LMO1: variants seen among roughly 807,000 people sequenced by gnomAD.
LMO1 encodes the protein rhombotin-1.
Under a neutral mutation model 18.0 loss-of-function variants are expected in LMO1, and 10 were observed. That is an observed-to-expected ratio of 0.55 (90% confidence interval 0.34 to 0.94). The LOEUF is 0.94. Among genes scored for constraint, LMO1 ranks in the 40% least tolerant of loss-of-function variants. The pLI is 0.02. For missense variants in LMO1, 183 were observed against 205.7 expected, an observed-to-expected ratio of 0.89 and a Z score of 0.68; for synonymous variants, 77 against 77.9, an observed-to-expected ratio of 0.99 and a Z score of 0.06.
At chr11:8,262,085 G>T (rs1158929492) in intron 1 of LMO1, among the ~76,000 whole-genome samples, 2 of 152,208 alleles carry the variant, frequency 1.3e-5, no homozygotes, top group African/African-American at 4.8e-5. Flanking sequence ...GTGACCCTGA[G>T]CAAGTCACTT....
rs1481125028 is a variant in LMO1, at chr11:8,241,799, AAC to A, written c.26-11297_26-11296del. 4.5e-3 allele frequency among the ~76,000 whole-genome samples: 682 copies of A among 151,992 alleles called. 3 individuals carry two copies. The highest frequency in any genetic ancestry group is 0.015 in the African/African-American group (639 of 41,376). On this transcript the variant is annotated intron_variant, in intron 1 of 3. Coordinates refer to ENST00000335790, the MANE Select transcript of LMO1 (RefSeq NM_002315.3). ...TTCTGTGAGTTTCAAAAAAAAAAAAAACAAAAAAAAGTCTGATTGATTGGGTA... is the reference window on the plus strand; with the variant it reads ...TTCTGTGAGTTTCAAAAAAAAAAAAAAAAAAAAAGTCTGATTGATTGGGTA...
intron 1 of LMO1, among the ~76,000 whole-genome samples, chr11:8,253,413 G>C (rs984451487): frequency 6.6e-6 from 1 of 152,152 alleles, no homozygotes; most frequent in South Asian, 2.1e-4. Context: ...AAAGGTAAAC[G>C]TGATCATACC....
intron 1 of LMO1, among the ~76,000 whole-genome samples, chr11:8,258,850 G>T (rs942770065): frequency 5.9e-5 from 9 of 152,210 alleles, no homozygotes; most frequent in Admixed American, 5.9e-4. Context: ...CAAGTGAGTG[G>T]TCATGCCAGC....
chr11:8,236,827 A>G (rs1253761749), intron 1 of LMO1, among the ~76,000 whole-genome samples: 1 of 152,228 alleles, frequency 6.6e-6, no homozygotes, highest in Non-Finnish European at 1.5e-5. Context: ...GCATGAAAAT[A>G]CATACCCATG....
At chr11:8,237,721 C>T (rs775717428) in intron 1 of LMO1, among the ~76,000 whole-genome samples, 9 of 152,242 alleles carry the variant, frequency 5.9e-5, no homozygotes, top group Non-Finnish European at 8.8e-5. Flanking sequence ...GGCTAGGCTC[C>T]GCCCATGGGG....
chr11:8,244,064 G>C (rs1301600696), intron 1 of LMO1, among the ~76,000 whole-genome samples: 1 of 152,218 alleles, frequency 6.6e-6, no homozygotes, highest in Non-Finnish European at 1.5e-5. Flanking sequence ...ACATAAACAT[G>C]AATGAGTGTG....
intron 1 of LMO1, among the ~76,000 whole-genome samples, chr11:8,251,087 G>T (rs761152651): frequency 1.3e-5 from 2 of 152,154 alleles, no homozygotes; most frequent in Admixed American, 1.3e-4. Flanking sequence ...AAGAGAAAGA[G>T]ACCTCACTGG....
chr11:8,236,252 T>G (rs1180463932), intron 1 of LMO1, among the ~76,000 whole-genome samples: 2 of 151,694 alleles, frequency 1.3e-5, no homozygotes, highest in Non-Finnish European at 2.9e-5. Context: ...AGTGTAGTGA[T>G]GTGGTCACAG....
At chr11:8,243,709 G>A (rs564419876) in intron 1 of LMO1, among the ~76,000 whole-genome samples, 2 of 152,354 alleles carry the variant, frequency 1.3e-5, no homozygotes, top group East Asian at 1.9e-4. Flanking sequence ...CAGGTGAGGT[G>A]GACAAGGAGG....
chr11:8,263,639 A>G lies in LMO1; in HGVS notation c.-277T>C. 1 of 1,339,104 alleles carries G rather than the reference A, an allele frequency of 7.5e-7. No homozygotes were observed. The highest frequency in any genetic ancestry group is 9.5e-7 in the Non-Finnish European group (1 of 1,049,700). The allele number at this position is 1,339,104 out of a possible 1,614,324, so 83.0% of individuals were successfully genotyped here. A position where few individuals can be genotyped will look rare whatever the true frequency, so the allele number is the denominator to read the frequency against. ...GAGGGAGAGGGAGAGAGAAGGGGGA[A>G]AAGAGGATCAGAGCCGTTTCTTTGA... On this transcript the variant is annotated 5_prime_UTR_variant, in exon 1 of 4. Transcript: ENST00000335790.
intron 1 of LMO1, among the ~76,000 whole-genome samples, chr11:8,252,843 T>C (rs1475175740): frequency 6.6e-6 from 1 of 152,248 alleles, no homozygotes; most frequent in African/African-American, 2.4e-5. Context: ...AAGTAAAGAT[T>C]ACTGGTCCAC....
At chr11:8,226,943 G>T in intron 3 of LMO1, 32 bp downstream of exon 3, 1 of 1,593,480 alleles carries the variant, frequency 6.3e-7, no homozygotes, top group Non-Finnish European at 8.6e-7. Flanking sequence ...GGCGTCTGGG[G>T]AGTGTGTTGG....
At chr11:8,243,591 G>A (rs1034475354) in intron 1 of LMO1, among the ~76,000 whole-genome samples, 4 of 152,200 alleles carry the variant, frequency 2.6e-5, no homozygotes, top group African/African-American at 9.6e-5. Context: ...TATGGCCGCA[G>A]GCTGCATTAT....
intron 1 of LMO1, among the ~76,000 whole-genome samples, chr11:8,256,117 G>A (rs1169763778): frequency 2.6e-5 from 4 of 152,314 alleles, no homozygotes; most frequent in South Asian, 4.1e-4. Flanking sequence ...GAGCCACCGC[G>A]CCCGGCCAAT....
intron 1 of LMO1, among the ~76,000 whole-genome samples, chr11:8,240,302 G>C (rs1221118976): frequency 4.6e-5 from 7 of 152,216 alleles, no homozygotes; most frequent in Non-Finnish European, 7.3e-5. Context: ...GCGTTTTGGT[G>C]AAGAATAACC....
chr11:8,263,448 T>C lies in LMO1; in HGVS notation c.-86A>G, dbSNP rs204929. On this transcript the variant is annotated 5_prime_UTR_variant, in exon 1 of 4. Transcript: ENST00000335790. The stretch of plus-strand genomic sequence containing the variant: ...GCGCGCTTTGGAGGGGCGGCCGGTC[T>C]TCGGGCAGCTAGCGGGCTCTAATTA... 0.96 allele frequency: 1,506,937 copies of C among 1,573,168 alleles called. 726,325 individuals are homozygous for C. The highest frequency in any genetic ancestry group is 1 in the East Asian group (42,454 of 42,458).
At chr11:8,229,801 A>C (rs563083830) in intron 2 of LMO1, among the ~76,000 whole-genome samples, 1 of 152,346 alleles carries the variant, frequency 6.6e-6, no homozygotes, top group South Asian at 2.1e-4. Flanking sequence ...GCTGCCTGCC[A>C]GTTTCCCTGG....
At chr11:8,232,722 A>G (rs1278049908) in intron 1 of LMO1, among the ~76,000 whole-genome samples, 1 of 152,166 alleles carries the variant, frequency 6.6e-6, no homozygotes, top group African/African-American at 2.4e-5. Flanking sequence ...CCAGGGCTCT[A>G]TATTTGGGCT....
At chr11:8,253,862 T>G (rs1847045895) in intron 1 of LMO1, among the ~76,000 whole-genome samples, 1 of 151,986 alleles carries the variant, frequency 6.6e-6, no homozygotes, top group African/African-American at 2.4e-5. Context: ...AATATTAAAA[T>G]GTCAGGAGTT....
Sources: allele counts gnomAD v4.1 joint callset (sites outside exome capture counted in the v4.1 genomes callset), GRCh38; gene constraint gnomAD v4.1.1; transcripts MANE v1.5; gene names NCBI Gene and HGNC (gene_info 2026-07-23, HGNC 2026-07-21).